Variants in HHAT observed in about 807,000 individuals in gnomAD.
HHAT encodes the protein protein-cysteine N-palmitoyltransferase HHAT.
A neutral mutation model predicts 70.8 loss-of-function variants in HHAT; 47 were observed. The observed-to-expected ratio is 0.66, with a 90% confidence interval of 0.53 to 0.85. The LOEUF (loss-of-function observed/expected upper bound fraction) is 0.85. Ranked by LOEUF, HHAT falls within the 40% of genes least tolerant of loss-of-function variation. The pLI, the probability that HHAT is intolerant of heterozygous loss-of-function variation, is 0.00. For missense variants in HHAT, 609 were observed against 604.8 expected (o/e 1.01, Z -0.07); for synonymous variants, 228 against 247.6 (o/e 0.92, Z 0.74).
In HHAT at chr1:210,658,045, A is replaced by G. The variant is rs1207211698; in HGVS notation, c.1391-16243A>G. The stretch of plus-strand genomic sequence containing the variant: ...TCTGAAGTCAACCCTGTGTTCCTTC[A>G]GTCTCGTCTTTGTTTATTCATTGAC... On this transcript the variant is annotated intron_variant, in intron 11 of 11. Coordinates refer to ENST00000261458, the MANE Select transcript of HHAT (RefSeq NM_018194.6). Among the ~76,000 whole-genome samples the G allele has an allele frequency of 2.0e-5, 3 of 152,212 alleles. No individual in the cohort carries two copies. In the South Asian group the frequency reaches 6.2e-4, roughly 32 times the overall value.
At chr1:210,553,310 A>G (rs970599885) in intron 9 of HHAT, among the ~76,000 whole-genome samples, 4 of 152,074 alleles carry the variant, frequency 2.6e-5, no homozygotes, top group African/African-American at 7.2e-5. Flanking sequence ...TTGGCTCCCC[A>G]CTTGGTACCC....
intron 9 of HHAT, among the ~76,000 whole-genome samples, chr1:210,526,366 TG>T (rs2095245094): frequency 3.2e-5 from 1 of 31,392 alleles, no homozygotes; most frequent in Non-Finnish European, 9.5e-5. Context: ...GAGTGGGTTC[TG>T]TTTTTTTTTT....
At chr1:210,517,300 A>T (rs149047314) in intron 9 of HHAT, among the ~76,000 whole-genome samples, 300 of 152,048 alleles carry the variant, frequency 2.0e-3, no homozygotes, top group African/African-American at 6.9e-3. Context: ...TTCTTCTTTT[A>T]TCTTTGAATA....
intron 7 of HHAT, chr1:210,462,931 A>G (rs1182621626): frequency 2.0e-5 from 3 of 152,230 alleles, no homozygotes; most frequent in Non-Finnish European, 4.4e-5. Context: ...ATATCCCAGA[A>G]GATAACCTGG....
chr1:210,544,861 G>T (rs1432728857), intron 9 of HHAT, among the ~76,000 whole-genome samples: 1 of 152,106 alleles, frequency 6.6e-6, no homozygotes, highest in Non-Finnish European at 1.5e-5. Flanking sequence ...ACATGCACCA[G>T]ATGGCAGGAG....
intron 3 of HHAT, among the ~76,000 whole-genome samples, chr1:210,381,279 T>A (rs742559): frequency 0.4 from 59,847 of 151,274 alleles, 12,045 homozygotes; most frequent in Admixed American, 0.48. Flanking sequence ...TTTAAAAAAA[T>A]TTTTTACTTT....
chr1:210,400,343 G>A, intron 4 of HHAT, 125 bp from the exon 5 acceptor site: 1 of 830,264 alleles, frequency 1.2e-6, no homozygotes, highest in South Asian at 2.1e-5. Context: ...TCTTTATTGG[G>A]TAATTAAACG....
At chr1:210,525,961 C>T (rs11583907) in intron 9 of HHAT, among the ~76,000 whole-genome samples, 20,258 of 152,170 alleles carry the variant, frequency 0.13, 1,478 homozygotes, top group East Asian at 0.23. Context: ...CTAATGCGTG[C>T]GCGATCTTTC....
chr1:210,613,966 G>C (rs1454733233), intron 10 of HHAT, among the ~76,000 whole-genome samples: 1 of 146,734 alleles, frequency 6.8e-6, no homozygotes, highest in African/African-American at 2.5e-5. Flanking sequence ...GCTGCAGTGA[G>C]TCATGATTGT....
intron 11 of HHAT, among the ~76,000 whole-genome samples, chr1:210,629,002 T>C (rs930627404): frequency 5.3e-5 from 8 of 152,228 alleles, no homozygotes; most frequent in African/African-American, 1.9e-4. Context: ...TTTTCACTGC[T>C]ATCATTGATT....
intron 2 of HHAT, among the ~76,000 whole-genome samples, chr1:210,350,269 A>G (rs1375510832): frequency 1.3e-5 from 2 of 152,210 alleles, no homozygotes. Flanking sequence ...AGATGTCCTT[A>G]AGCAGCAAAT....
intron 7 of HHAT, among the ~76,000 whole-genome samples, chr1:210,424,051 G>GT (rs941547075): frequency 6.6e-6 from 1 of 151,968 alleles, no homozygotes; most frequent in African/African-American, 2.4e-5. Context: ...CAATTTTTAG[G>GT]TTTTTTTCTT....
At chr1:210,464,448 T>C in intron 7 of HHAT, 57 bp from the exon 8 acceptor site, 2 of 1,591,528 alleles carry the variant, frequency 1.3e-6, no homozygotes, top group Non-Finnish European at 1.7e-6. Flanking sequence ...GTTGGTCTCC[T>C]CCAGGAAACT....
rs538564029 is a variant in HHAT, at chr1:210,421,862, G to C, written c.856+3537G>C. On this transcript the variant is annotated intron_variant, in intron 7 of 11. Transcript: ENST00000261458. ...TTATTTAAAAAAAGTCATATGTGTAGTTGCAAATATTGACATCTTTTGGTT... is the reference window on the plus strand; with the variant it reads ...TTATTTAAAAAAAGTCATATGTGTACTTGCAAATATTGACATCTTTTGGTT... Among the ~76,000 whole-genome samples the C allele has an allele frequency of 1.9e-3, 293 of 152,210 alleles. 3 individuals carry two copies. Among genetic ancestry groups the C allele is most frequent in the African/African-American group, 6.8e-3 (282 of 41,534 alleles).
At chr1:210,670,834 T>G (rs548116806) in intron 11 of HHAT, among the ~76,000 whole-genome samples, 2 of 152,322 alleles carry the variant, frequency 1.3e-5, no homozygotes, top group South Asian at 4.1e-4. Flanking sequence ...GATCTTATTT[T>G]ATTTGCATGC....
intron 11 of HHAT, among the ~76,000 whole-genome samples, chr1:210,652,210 G>C (rs1057055222): frequency 1.3e-5 from 2 of 152,064 alleles, no homozygotes; most frequent in African/African-American, 4.8e-5. Context: ...GTAGAGATAG[G>C]AATAAAGGAA....
At chr1:210,585,422 CTT>C (rs202050770) in intron 9 of HHAT, among the ~76,000 whole-genome samples, 1 of 151,740 alleles carries the variant, frequency 6.6e-6, no homozygotes, top group South Asian at 2.1e-4. Context: ...GAACTGGACT[CTT>C]TTTTTTGAGA....
chr1:210,641,727 GAC>G (rs1332028056), intron 11 of HHAT, among the ~76,000 whole-genome samples: 2 of 152,146 alleles, frequency 1.3e-5, no homozygotes, highest in Non-Finnish European at 2.9e-5. Flanking sequence ...GCCCAGTAGG[GAC>G]ACACAGCATG....
intron 1 of HHAT, 77 bp from the exon 2 acceptor site, chr1:210,348,856 G>T: frequency 7.1e-7 from 1 of 1,413,928 alleles, no homozygotes; most frequent in South Asian, 1.4e-5. Context: ...CCGGGAGTGT[G>T]AACTAACTGA....
Sources: allele counts gnomAD v4.1 joint callset (sites outside exome capture counted in the v4.1 genomes callset), GRCh38; gene constraint gnomAD v4.1.1; transcripts MANE v1.5; gene names NCBI Gene and HGNC (gene_info 2026-07-23, HGNC 2026-07-21).